The following FREM1 variants were observed in gnomAD, a reference collection of about 807,000 sequenced individuals.
FREM1 encodes the protein FRAS1 related extracellular matrix 1.
Under a neutral mutation model 210.1 loss-of-function variants are expected in FREM1, and 220 were observed. The observed-to-expected ratio is 1.05, with a 90% CI of 0.94 to 1.17. The LOEUF is 1.17. Ranked by LOEUF, FREM1 falls within the 50% of genes most tolerant of loss-of-function variation. The pLI is 0.00. For synonymous variants in FREM1, 1,189 were observed against 980.2 expected, an observed-to-expected ratio of 1.21 and a Z score of -3.98; for missense variants, 3,454 against 2,675.5, an observed-to-expected ratio of 1.29 and a Z score of -6.42.
At chr9:14,900,195 C>A (rs1838523273) in intron 1 of FREM1, among the ~76,000 whole-genome samples, 1 of 152,192 alleles carries the variant, frequency 6.6e-6, no homozygotes, top group African/African-American at 2.4e-5. Flanking sequence ...AGGACCCCCT[C>A]TTCAGCTTCA....
At chr9:14,904,485 C>T (rs1039829252) in intron 1 of FREM1, among the ~76,000 whole-genome samples, 1 of 151,882 alleles carries the variant, frequency 6.6e-6, no homozygotes, top group African/African-American at 2.4e-5. Context: ...CTCTACATTT[C>T]CCAAAAACAA....
At chr9:14,846,192 A>G in intron 7 of FREM1, 101 bp from the exon 8 acceptor site, 2 of 959,888 alleles carry the variant, frequency 2.1e-6, no homozygotes, top group Middle Eastern at 3.4e-4. Context: ...AAAAATAATG[A>G]GTTCATGCCC....
At chr9:14,908,924 G>C (rs567614251) in intron 1 of FREM1, among the ~76,000 whole-genome samples, 1 of 152,124 alleles carries the variant, frequency 6.6e-6, no homozygotes, top group Non-Finnish European at 1.5e-5. Context: ...GTTTCCTAGA[G>C]CTGCACTGAA....
At chr9:14,767,172 T>A (rs1213375586) in intron 27 of FREM1, among the ~76,000 whole-genome samples, 6 of 152,116 alleles carry the variant, frequency 3.9e-5, no homozygotes, top group African/African-American at 9.7e-5. Flanking sequence ...CCAAGTTCGG[T>A]GGTTTATTAT....
chr9:14,744,486 T>C (rs1213565670), intron 35 of FREM1, among the ~76,000 whole-genome samples: 1 of 152,116 alleles, frequency 6.6e-6, no homozygotes, highest in Non-Finnish European at 1.5e-5. Context: ...AATGCAATCA[T>C]ATAATAAGTA....
chr9:14,744,417 T>A (rs1842069828), intron 35 of FREM1, among the ~76,000 whole-genome samples: 1 of 152,092 alleles, frequency 6.6e-6, no homozygotes, highest in Admixed American at 6.6e-5. Flanking sequence ...TCCACAATCT[T>A]ACCAAAGATA....
intron 10 of FREM1, among the ~76,000 whole-genome samples, chr9:14,841,111 C>G (rs1825621338): frequency 6.6e-6 from 1 of 152,160 alleles, no homozygotes. Context: ...GAAACTCATG[C>G]AACCTAACTC....
At chr9:14,750,374 A>G in intron 29 of FREM1, 98 bp from the exon 30 acceptor site, 2 of 888,576 alleles carry the variant, frequency 2.3e-6, no homozygotes, top group Non-Finnish European at 3.4e-6. Context: ...GCTAGACTGC[A>G]GTAGCCCGAG....
At chr9:14,882,111 T>TGTG (rs1834894964) in intron 1 of FREM1, among the ~76,000 whole-genome samples, 2 of 151,500 alleles carry the variant, frequency 1.3e-5, no homozygotes, top group Admixed American at 6.6e-5. Context: ...TGTTATTATT[T>TGTG]TGTGTGTGTG....
At chr9:14,819,565 G>A in intron 13 of FREM1, 123 bp from the exon 14 acceptor site, 1 of 609,878 alleles carries the variant, frequency 1.6e-6, no homozygotes, top group South Asian at 2.5e-5. Context: ...TTTCAAGAAT[G>A]TGGTAAGAGG....
chr9:14,799,330 G>C (rs922598717), intron 20 of FREM1, among the ~76,000 whole-genome samples: 2 of 151,998 alleles, frequency 1.3e-5, no homozygotes, highest in Non-Finnish European at 1.5e-5. Flanking sequence ...CATAATATGG[G>C]AAGAGTTTTA....
rs200064797 is a variant in FREM1 at position 14,842,590 on chromosome 9, G to A, written c.1464C>T (p.Ser488=). 3,714 of 1,613,918 alleles carry A rather than the reference G, an allele frequency of 2.3e-3. 6 individuals are homozygous for A. Among genetic ancestry groups the A allele is most frequent in the Non-Finnish European group, 2.8e-3 (3,268 of 1,179,856 alleles). Residue 488 remains serine, a synonymous_variant, in exon 9 of 37, where the codon AGC becomes AGT. Coordinates refer to ENST00000380880, the MANE Select transcript of FREM1 (RefSeq NM_001379081.2). ...AGACCACGAAGTCTTTGGTGGAGTC[G>A]CTGTCATCATGATGATAGCGAACAA... is the stretch of plus-strand genomic sequence containing the variant. The part of the protein sequence containing the change: ...AGVVRYHHDD[S]DSTKDFVVFR...
rs1302279998 is a variant in FREM1, at chr9:14,857,419, A to T, written c.828+134T>A. The T allele has an allele frequency of 3.7e-6, 3 of 800,810 alleles. No individual in the cohort carries two copies. In the Admixed American group the frequency reaches 5.3e-5, roughly 14 times the overall value. 49.6% of individuals were successfully genotyped at this position (800,810 alleles called of 1,614,324 possible). On this transcript the variant is annotated intron_variant, in intron 5 of 36. Coordinates refer to ENST00000380880, the MANE Select transcript of FREM1 (RefSeq NM_001379081.2). ...GCAGAACCAACAAGCCTGCAGTTCCAATGAGTCGCTGGCAGTTTTACCCCC... is the reference window on the plus strand; with the variant it reads ...GCAGAACCAACAAGCCTGCAGTTCCTATGAGTCGCTGGCAGTTTTACCCCC...
intron 3 of FREM1, among the ~76,000 whole-genome samples, chr9:14,860,556 C>T (rs112529361): frequency 0.11 from 6,706 of 61,150 alleles, 839 homozygotes; most frequent in African/African-American, 0.27. Flanking sequence ...CATATATATA[C>T]ACACATATAT....
At chr9:14,786,268 A>G (rs1163087245) in intron 23 of FREM1, among the ~76,000 whole-genome samples, 1 of 152,218 alleles carries the variant, frequency 6.6e-6, no homozygotes, top group Non-Finnish European at 1.5e-5. Context: ...CCCAGAGCAC[A>G]AGCTCTTAAA....
chr9:14,749,617 C>T (rs1224674817), intron 30 of FREM1, among the ~76,000 whole-genome samples: 1 of 152,182 alleles, frequency 6.6e-6, no homozygotes, highest in African/African-American at 2.4e-5. Flanking sequence ...CAATCCAGGA[C>T]CTGTTTGGCG....
In FREM1 at chr9:14,801,779, T is replaced by A; in HGVS notation, c.3567A>T (p.Gln1189His). ...CGATGAGGAGGCCATGGCGTGGCTT[T>A]TGAGTGATGCTGAACAGCAGGGCAT... Reference protein sequence around the residue: ...PQDALLFSITQKPRHGLLIDR... With the variant: ...PQDALLFSITHKPRHGLLIDR... The change falls in exon 20 of 37, where the codon CAA becomes CAT. Residue 1189 changes from glutamine (Q) to histidine (H), a missense_variant. By Grantham distance (24) the Gln-to-His change is conservative. Coordinates refer to ENST00000380880, the MANE Select transcript of FREM1 (RefSeq NM_001379081.2). The A allele has an allele frequency of 6.2e-7, 1 of 1,613,964 alleles. No homozygotes were observed. The highest frequency in any genetic ancestry group is 8.5e-7 in the Non-Finnish European group (1 of 1,179,874).
At chr9:14,784,719 C>A in intron 23 of FREM1, 85 bp from the exon 24 acceptor site, 1 of 1,051,614 alleles carries the variant, frequency 9.5e-7, no homozygotes. Context: ...AAGGCCAAAA[C>A]TGTGCAAAAA....
At chr9:14,871,855 G>A (rs111301582) in intron 1 of FREM1, among the ~76,000 whole-genome samples, 13 of 152,162 alleles carry the variant, frequency 8.5e-5, no homozygotes, top group African/African-American at 2.2e-4. Context: ...GTGTAAGGAC[G>A]GGATCCAGTT....
Sources: gnomAD v4.1 joint callset for allele counts (sites outside exome capture counted in the v4.1 genomes callset) on GRCh38, gnomAD v4.1.1 for gene constraint, MANE v1.5 for transcripts, NCBI Gene and HGNC (gene_info 2026-07-23, HGNC 2026-07-21) for gene names.